Variants in GABRA1 observed in about 807,000 individuals in gnomAD.
GABRA1 encodes gamma-aminobutyric acid receptor subunit alpha-1.
Under a neutral mutation model 48.9 loss-of-function variants are expected in GABRA1, and 9 were observed. That is an observed-to-expected ratio of 0.18 (90% CI 0.11 to 0.32). The LOEUF is 0.32. Among genes scored for constraint, GABRA1 ranks in the 10% least tolerant of loss-of-function variants. The pLI is 1.00. For missense variants in GABRA1, 285 were observed against 553.8 expected, an observed-to-expected ratio of 0.51 and a Z score of 4.87; for synonymous variants, 210 against 198.7, an observed-to-expected ratio of 1.06 and a Z score of -0.48.
chr5:161,850,827 G>T lies in GABRA1; in HGVS notation c.17G>T (p.Gly6Val). The T allele has an allele frequency of 6.2e-7, 1 of 1,614,088 alleles. No individual in the cohort carries two copies. Among genetic ancestry groups the T allele is most frequent in the East Asian group, 2.2e-5 (1 of 44,880 alleles). The change falls in exon 2 of 10, where the codon GGT becomes GTT. Residue 6 changes from glycine to valine, a missense_variant. By Grantham distance (109) the Gly-to-Val change is moderately radical (BLOSUM62 -3). This residue lies in a region of GABRA1 where 45 missense variants were observed against 39.9 expected (regional missense o/e 1.13). Coordinates refer to ENST00000393943, the MANE Select transcript of GABRA1 (RefSeq NM_001127644.2). ...CAGCCCGCGATGAGGAAAAGTCCAG[G>T]TCTGTCTGACTGTCTTTGGGCCTGG... The part of the protein sequence containing the change: MRKSP[G>V]LSDCLWAWIL...
intron 6 of GABRA1, among the ~76,000 whole-genome samples, chr5:161,878,242 C>G (rs1754451387): frequency 6.6e-6 from 1 of 152,112 alleles, no homozygotes; most frequent in African/African-American, 2.4e-5. Flanking sequence ...ACAGAGCAGA[C>G]TAGACATTGA....
intron 7 of GABRA1, among the ~76,000 whole-genome samples, chr5:161,889,373 G>T (rs1050620279): frequency 7.2e-5 from 11 of 151,980 alleles, no homozygotes; most frequent in African/African-American, 2.7e-4. Flanking sequence ...GAATACTAAG[G>T]GTAAGAGAGT....
In GABRA1 at chr5:161,873,254, A is replaced by G. The variant is rs1250117345; in HGVS notation, c.393A>G (p.Gly131=). 5 of 1,613,948 alleles carry G rather than the reference A, an allele frequency of 3.1e-6. No homozygotes were observed. In the South Asian group the frequency reaches 5.5e-5, roughly 18 times the overall value. The change falls in exon 5 of 10, where the codon GGA becomes GGG. Residue 131 remains glycine (G), a synonymous_variant. Coordinates refer to ENST00000393943, the MANE Select transcript of GABRA1 (RefSeq NM_001127644.2). ...CTCCGGACACATTTTTCCACAATGGAAAGAAGTCAGTGGCCCACAACATGA... is the reference window on the plus strand; with the variant it reads ...CTCCGGACACATTTTTCCACAATGGGAAGAAGTCAGTGGCCCACAACATGA... ...IWTPDTFFHN[G]KKSVAHNMTM...
chr5:161,882,461 C>T, intron 6 of GABRA1, 97 bp from the exon 7 acceptor site: 5 of 1,171,986 alleles, frequency 4.3e-6, no homozygotes, highest in Non-Finnish European at 5.1e-6. Context: ...CCTCTGGAAC[C>T]ATGATATAGA....
chr5:161,885,055 T>C (rs918268824), intron 7 of GABRA1, among the ~76,000 whole-genome samples: 2 of 152,212 alleles, frequency 1.3e-5, no homozygotes, highest in African/African-American at 2.4e-5. Context: ...GAAGTCATCA[T>C]TCTGTGCTAG....
intron 4 of GABRA1, among the ~76,000 whole-genome samples, chr5:161,867,733 G>A (rs770870215): frequency 4.3e-4 from 66 of 151,844 alleles, no homozygotes; most frequent in African/African-American, 1.5e-3. Flanking sequence ...AAATACTTCC[G>A]CAGAGGCCCA....
At chr5:161,891,427 A>G (rs1755083876) in intron 8 of GABRA1, among the ~76,000 whole-genome samples, 1 of 152,186 alleles carries the variant, frequency 6.6e-6, no homozygotes, top group South Asian at 2.1e-4. Flanking sequence ...AAATATCAGC[A>G]GAGCTACTTA....
chr5:161,875,929 G>T (rs1299896217), intron 6 of GABRA1, among the ~76,000 whole-genome samples: 20 of 152,126 alleles, frequency 1.3e-4, no homozygotes, highest in Non-Finnish European at 1.5e-5. Context: ...AAGTATGGAT[G>T]CTTCTACCTC....
At position 161,851,202 on chromosome 5, in the gene GABRA1, A is replaced by G. The variant is rs113495963; in HGVS notation, c.74+318A>G. Reference sequence around the variant, plus strand: ...CTAATTCATAGAAAAAGTTACCCCAATTAGTGGTTGCATACTGTGTAACCT... The same window carrying G: ...CTAATTCATAGAAAAAGTTACCCCAGTTAGTGGTTGCATACTGTGTAACCT... On this transcript the variant is annotated intron_variant, in intron 2 of 9. Transcript: ENST00000393943. 4.9e-4 allele frequency among the ~76,000 whole-genome samples: 74 copies of G among 152,282 alleles called. 1 individual carries two copies. The highest frequency in any genetic ancestry group is 1.6e-3 in the African/African-American group (68 of 41,566).
At chr5:161,888,950 C>T (rs1031139288) in intron 7 of GABRA1, among the ~76,000 whole-genome samples, 5 of 151,932 alleles carry the variant, frequency 3.3e-5, no homozygotes, top group Non-Finnish European at 5.9e-5. Context: ...GAGGATATGG[C>T]CGGTCATGCT....
chr5:161,894,234 T>C (rs1326372080), intron 8 of GABRA1, among the ~76,000 whole-genome samples: 1 of 152,142 alleles, frequency 6.6e-6, no homozygotes, highest in Non-Finnish European at 1.5e-5. Context: ...AAAAATTTTA[T>C]AAACCCCAGA....
intron 8 of GABRA1, among the ~76,000 whole-genome samples, chr5:161,892,569 T>A (rs1755141452): frequency 6.6e-6 from 1 of 152,206 alleles, no homozygotes; most frequent in Admixed American, 6.5e-5. Flanking sequence ...TTCTTTCCCA[T>A]TACCACGTGT....
At chr5:161,874,729 A>T (rs1034655774) in intron 5 of GABRA1, among the ~76,000 whole-genome samples, 1 of 152,152 alleles carries the variant, frequency 6.6e-6, no homozygotes, top group African/African-American at 2.4e-5. Context: ...TTAATGATTG[A>T]CTATAAATCT....
chr5:161,866,895 G>A (rs762903718), intron 4 of GABRA1, among the ~76,000 whole-genome samples: 66 of 152,040 alleles, frequency 4.3e-4, no homozygotes, highest in Non-Finnish European at 7.2e-4. Context: ...GTAACAGAGT[G>A]GTAACTAAGA....
At chr5:161,892,317 G>A (rs1327566378) in intron 8 of GABRA1, among the ~76,000 whole-genome samples, 2 of 152,176 alleles carry the variant, frequency 1.3e-5, no homozygotes, top group Non-Finnish European at 2.9e-5. Flanking sequence ...TTATTCACCT[G>A]AAGAGATTCC....
At chr5:161,882,420 A>G (rs1462335388) in intron 6 of GABRA1, 138 bp from the exon 7 acceptor site, 2 of 768,884 alleles carry the variant, frequency 2.6e-6, no homozygotes, top group African/African-American at 1.8e-5. Context: ...TTTGTAAATT[A>G]AGGGACATAA....
chr5:161,849,653 G>A (rs1340660663), intron 1 of GABRA1, among the ~76,000 whole-genome samples: 2 of 152,038 alleles, frequency 1.3e-5, no homozygotes, highest in Non-Finnish European at 2.9e-5. Flanking sequence ...AGGGTTTAAT[G>A]AAAAAGAAGC....
At chr5:161,870,106 G>T (rs932993370) in intron 4 of GABRA1, among the ~76,000 whole-genome samples, 2 of 152,092 alleles carry the variant, frequency 1.3e-5, no homozygotes, top group South Asian at 4.1e-4. Flanking sequence ...CACTTCTCAC[G>T]ATTGCAGGGT....
At chr5:161,850,629 G>A in intron 1 of GABRA1, 167 bp from the exon 2 acceptor site, 2 of 638,198 alleles carry the variant, frequency 3.1e-6, no homozygotes, top group South Asian at 1.8e-5. Flanking sequence ...AAGGGAAAGT[G>A]GAGAATGGAT....
Sources: gnomAD v4.1 joint callset for allele counts (sites outside exome capture counted in the v4.1 genomes callset) on GRCh38, gnomAD v4.1.1 for gene constraint, gnomAD v4.1.1 regional missense constraint, MANE v1.5 for transcripts, NCBI Gene and HGNC (gene_info 2026-07-23, HGNC 2026-07-21) for gene names.